ROBO1: variants seen among roughly 807,000 people sequenced by gnomAD.
The protein encoded by ROBO1 is roundabout homolog 1.
ROBO1 carries 149 observed loss-of-function variants against 195.9 expected under a neutral mutation model. The observed-to-expected ratio is 0.76, with a 90% CI of 0.67 to 0.87. The LOEUF (loss-of-function observed/expected upper bound fraction) is 0.87. Among genes scored for constraint, ROBO1 ranks in the 40% least tolerant of loss-of-function variants. ROBO1 has a pLI of 0.00. For synonymous variants in ROBO1, 816 were observed against 733.2 expected, an observed-to-expected ratio of 1.11 and a Z score of -1.82; for missense variants, 1,933 against 2,068.3, an observed-to-expected ratio of 0.93 and a Z score of 1.27.
At chr3:78,810,768 C>T (rs748692418) in intron 4 of ROBO1, among the ~76,000 whole-genome samples, 26 of 151,868 alleles carry the variant, frequency 1.7e-4, no homozygotes, top group South Asian at 4.2e-4. Flanking sequence ...TTCTTGCTGC[C>T]CTAAAGTTCT....
intron 2 of ROBO1, among the ~76,000 whole-genome samples, chr3:79,204,659 G>C (rs1457616907): frequency 1.3e-5 from 2 of 152,114 alleles, no homozygotes; most frequent in Non-Finnish European, 2.9e-5. Context: ...TCTACACTCT[G>C]TGCTGGAGGT....
chr3:78,722,419 C>T (rs957459998), intron 5 of ROBO1, among the ~76,000 whole-genome samples: 1 of 152,002 alleles, frequency 6.6e-6, no homozygotes, highest in South Asian at 2.1e-4. Context: ...CATAATATGA[C>T]TAAAAGCATA....
intron 2 of ROBO1, among the ~76,000 whole-genome samples, chr3:79,443,737 A>G (rs2039138379): frequency 2.6e-5 from 4 of 152,190 alleles, no homozygotes. Flanking sequence ...TGGATAATTT[A>G]TTCTATCAAA....
At chr3:79,169,348 T>C (rs1309497454) in intron 2 of ROBO1, among the ~76,000 whole-genome samples, 3 of 152,140 alleles carry the variant, frequency 2.0e-5, no homozygotes, top group African/African-American at 7.2e-5. Flanking sequence ...TTTCTTTTGC[T>C]TGCCGCACAG....
chr3:78,950,482 A>G (rs1406028347), intron 3 of ROBO1, among the ~76,000 whole-genome samples: 3 of 123,336 alleles, frequency 2.4e-5, no homozygotes, highest in Admixed American at 1.1e-4. Context: ...GGACACAGGA[A>G]GGGGAACATC....
rs116930108 is a variant in ROBO1 at position 79,255,538 on chromosome 3, G to A, written c.89-129999C>T. 3.0e-4 allele frequency among the ~76,000 whole-genome samples: 45 copies of A among 152,076 alleles called. No homozygotes were observed. The East Asian group carries it at 7.3e-3, about 25-fold the overall frequency. Reference sequence around the variant, plus strand: ...TAATGGCTACATTAGAAATCTATTCGGATTGTTGGTAAAGTAGTACCGATA... The same window carrying A: ...TAATGGCTACATTAGAAATCTATTCAGATTGTTGGTAAAGTAGTACCGATA... On this transcript the variant is annotated intron_variant, in intron 2 of 30. Coordinates refer to ENST00000464233, the MANE Select transcript of ROBO1 (RefSeq NM_002941.4).
chr3:79,585,623 A>G (rs1451987236), intron 2 of ROBO1, among the ~76,000 whole-genome samples: 1 of 152,010 alleles, frequency 6.6e-6, no homozygotes, highest in Non-Finnish European at 1.5e-5. Flanking sequence ...ATCTGTCCTC[A>G]GAGAATAAAC....
chr3:79,512,898 AT>A (rs1475495104), intron 2 of ROBO1: 6 of 152,162 alleles, frequency 3.9e-5, no homozygotes, highest in African/African-American at 1.4e-4. Flanking sequence ...TAAAGTGCCC[AT>A]TATGCATAAA....
chr3:79,275,525 T>C (rs568643672), intron 2 of ROBO1, among the ~76,000 whole-genome samples: 57 of 152,052 alleles, frequency 3.7e-4, no homozygotes, highest in Non-Finnish European at 7.1e-4. Context: ...GCTGGTATCA[T>C]ATAGAATGGA....
chr3:79,242,625 C>T (rs967676315), intron 2 of ROBO1, among the ~76,000 whole-genome samples: 5 of 152,270 alleles, frequency 3.3e-5, no homozygotes, highest in African/African-American at 1.2e-4. Flanking sequence ...AATTCACAAG[C>T]TGCATCACTT....
chr3:79,333,950 ACT>A (rs1042622572), intron 2 of ROBO1, among the ~76,000 whole-genome samples: 2 of 151,978 alleles, frequency 1.3e-5, no homozygotes, highest in African/African-American at 4.8e-5. Flanking sequence ...TTGGCACAAA[ACT>A]CTCTTTTACG....
chr3:79,510,406 CCT>C (rs2107538279), intron 2 of ROBO1, among the ~76,000 whole-genome samples: 1 of 152,298 alleles, frequency 6.6e-6, no homozygotes, highest in South Asian at 2.1e-4. Flanking sequence ...GTCAATTAAA[CCT>C]CTGTTCTTTG....
intron 2 of ROBO1, among the ~76,000 whole-genome samples, chr3:79,541,821 G>GTCTATATA (rs1942079802): frequency 9.9e-6 from 1 of 100,844 alleles, no homozygotes; most frequent in Non-Finnish European, 2.2e-5. Context: ...ATGTGTGTGT[G>GTCTATATA]TGTGTGTGTA....
intron 2 of ROBO1, among the ~76,000 whole-genome samples, chr3:79,527,380 C>G (rs1379127730): frequency 6.6e-6 from 1 of 152,082 alleles, no homozygotes; most frequent in Non-Finnish European, 1.5e-5. Context: ...AATTTGCTAA[C>G]TTTACTAATA....
intron 2 of ROBO1, among the ~76,000 whole-genome samples, chr3:79,557,872 A>G (rs1356491205): frequency 6.6e-6 from 1 of 151,514 alleles, no homozygotes; most frequent in Non-Finnish European, 1.5e-5. Context: ...ATCATGGCAA[A>G]TGAGGAAAAG....
rs116369732 is a variant in ROBO1, at chr3:79,574,152, A to T, written c.88+15672T>A. ...TGTCATATAATCAATTTTTCAAGTA[A>T]TATGATATATTCATATAAAATAATG... On this transcript the variant is annotated intron_variant, in intron 2 of 30. Transcript: ENST00000464233. 5.7e-3 allele frequency among the ~76,000 whole-genome samples: 872 copies of T among 152,214 alleles called. 7 individuals carry two copies. The highest frequency in any genetic ancestry group is 0.019 in the African/African-American group (807 of 41,548).
At position 78,818,108 on chromosome 3, in the gene ROBO1, C is replaced by T. The variant is rs897434326; in HGVS notation, c.500-71208G>A. Among the ~76,000 whole-genome samples, 3 of 152,214 alleles carry T rather than the reference C, an allele frequency of 2.0e-5. No individual in the cohort carries two copies. The East Asian group carries it at 5.8e-4, about 29-fold the overall frequency. ...GAATTCAACTGCATCAGTTGCAGTA[C>T]TTTCTCCTACCTCTCCTCCCTCAAT... On this transcript the variant is annotated intron_variant, in intron 4 of 30. Transcript: ENST00000464233.
chr3:79,157,676 A>C (rs1319279388), intron 2 of ROBO1, among the ~76,000 whole-genome samples: 4 of 151,930 alleles, frequency 2.6e-5, no homozygotes, highest in Non-Finnish European at 4.4e-5. Flanking sequence ...ATTTGTTCTA[A>C]AAATTAAAAG....
chr3:79,564,609 AT>A lies in ROBO1; in HGVS notation c.88+25214del, dbSNP rs376831566. ...CTATTATAAATGCTGTATTATAATT[AT>A]TTTTGTTATAATTTTGAGAATTTAT... On this transcript the variant is annotated intron_variant, in intron 2 of 30. Coordinates refer to ENST00000464233, the MANE Select transcript of ROBO1 (RefSeq NM_002941.4). Among the ~76,000 whole-genome samples, 5 of 152,152 alleles carry A rather than the reference AT, an allele frequency of 3.3e-5. No homozygotes were observed. In the East Asian group the frequency reaches 5.8e-4, roughly 18 times the overall value.
Sources: gnomAD v4.1 joint callset for allele counts (sites outside exome capture counted in the v4.1 genomes callset) on GRCh38, gnomAD v4.1.1 for gene constraint, MANE v1.5 for transcripts, NCBI Gene and HGNC (gene_info 2026-07-23, HGNC 2026-07-21) for gene names.